Variants in CFAP58 observed in about 807,000 individuals in gnomAD.
The protein encoded by CFAP58 is cilia- and flagella-associated protein 58.
Under a neutral mutation model 119.5 loss-of-function variants are expected in CFAP58, and 88 were observed. The observed-to-expected ratio is 0.74, with a 90% CI of 0.62 to 0.88. The LOEUF is 0.88. Ranked by LOEUF, CFAP58 falls within the 40% of genes least tolerant of loss-of-function variation. The probability of loss-of-function intolerance (pLI) is 0.00; values close to 1 mark genes in which losing one functional copy is unlikely to be tolerated. For synonymous variants in CFAP58, 365 were observed against 366.3 expected (o/e 1.00, Z 0.04); for missense variants, 990 against 1,021.2 (o/e 0.97, Z 0.42).
Position 104,422,864 on chromosome 10 carries a change from T to C in CFAP58, c.2256+16071T>C, listed in dbSNP as rs140301562. The stretch of plus-strand genomic sequence containing the variant: ...TGTGGGAGAGGACTATCTAGGGTCA[T>C]AGTTACAAGTGGCTCTTGTTCAACA... On this transcript the variant is annotated intron_variant, in intron 15 of 17. Transcript: ENST00000369704. 2.9e-4 allele frequency among the ~76,000 whole-genome samples: 44 copies of C among 152,350 alleles called. 1 individual carries two copies. The East Asian group carries it at 8.1e-3, about 28-fold the overall frequency.
chr10:104,383,518 G>GT (rs1322552506), intron 9 of CFAP58, among the ~76,000 whole-genome samples: 1 of 152,068 alleles, frequency 6.6e-6, no homozygotes, highest in Non-Finnish European at 1.5e-5. Context: ...CGGATACCAA[G>GT]TTTTTTTGTT....
At chr10:104,372,258 C>T (rs2014834284) in intron 7 of CFAP58, among the ~76,000 whole-genome samples, 1 of 152,138 alleles carries the variant, frequency 6.6e-6, no homozygotes, top group East Asian at 1.9e-4. Flanking sequence ...GAGGCTGAGG[C>T]AGGAGAATCG....
intron 15 of CFAP58, 23 bp from the exon 16 acceptor site, chr10:104,447,675 C>T (rs1199384585): frequency 1.2e-6 from 2 of 1,611,964 alleles, no homozygotes; most frequent in African/African-American, 1.3e-5. Context: ...TTTATCTCTG[C>T]TCCTGGTTCT....
At chr10:104,348,427 T>C in the CFAP58 span, among the ~76,000 whole-genome samples, 2,225 of 152,332 alleles carry the variant, frequency 0.015, 54 homozygotes, top group African/African-American at 0.051. Flanking sequence ...CCTGAGAAGT[T>C]CTAAGAGGCG....
chr10:104,400,388 C>T (rs974635589), intron 12 of CFAP58, among the ~76,000 whole-genome samples: 10 of 152,182 alleles, frequency 6.6e-5, no homozygotes, highest in African/African-American at 2.4e-4. Context: ...CTCAAGTGAT[C>T]TGCCTGCCTT....
At chr10:104,351,667 A>G (rs1365372679), upstream of CFAP58, 2 of 152,258 alleles carry the variant, frequency 1.3e-5, no homozygotes, top group Non-Finnish European at 2.9e-5. Flanking sequence ...TGGGAAGGAG[A>G]ACTCCAGATG....
chr10:104,393,715 C>G (rs113432791), intron 11 of CFAP58, among the ~76,000 whole-genome samples: 80 of 152,278 alleles, frequency 5.3e-4, no homozygotes, highest in Non-Finnish European at 9.7e-4. Flanking sequence ...AGTGGAGATG[C>G]AAACACACCC....
chr10:104,411,601 G>A (rs958748957), intron 15 of CFAP58, among the ~76,000 whole-genome samples: 2 of 151,820 alleles, frequency 1.3e-5, no homozygotes, highest in Admixed American at 1.3e-4. Context: ...CCATTCATTT[G>A]TTTCTGCCAG....
chr10:104,384,580 T>A (rs1564887117), intron 9 of CFAP58, among the ~76,000 whole-genome samples: 1 of 152,226 alleles, frequency 6.6e-6, no homozygotes, highest in South Asian at 2.1e-4. Flanking sequence ...GAACTTTAGG[T>A]TGAACTCTTT....
Position 104,401,003 on chromosome 10 carries a change from C to T in CFAP58, c.2039+100C>T, listed in dbSNP as rs1015273379. The T allele has an allele frequency of 5.0e-5, 40 of 792,694 alleles. No homozygotes were observed. The South Asian group carries it at 6.5e-4, about 13-fold the overall frequency. 49.1% of individuals were successfully genotyped at this position (792,694 alleles called of 1,614,324 possible). A position where few individuals can be genotyped will look rare whatever the true frequency, so the allele number is the denominator to read the frequency against. On this transcript the variant is annotated intron_variant, in intron 13 of 17. Transcript: ENST00000369704. ...CTTGTTGCTCATTGAAGGTCTTTAT[C>T]GAGTTGTACAAAATGAAGTTTACAG...
chr10:104,388,759 T>C (rs2011975618), intron 9 of CFAP58, among the ~76,000 whole-genome samples: 1 of 152,216 alleles, frequency 6.6e-6, no homozygotes, highest in Non-Finnish European at 1.5e-5. Flanking sequence ...TGCTGCAGTT[T>C]TCCTGTATGC....
At chr10:104,429,238 GGAA>G (rs1211298454) in intron 15 of CFAP58, among the ~76,000 whole-genome samples, 3 of 152,150 alleles carry the variant, frequency 2.0e-5, no homozygotes, top group South Asian at 4.2e-4. Flanking sequence ...CTGCAGTTGA[GGAA>G]GAAGAAGGAG....
chr10:104,404,524 C>T (rs746857014), intron 14 of CFAP58, among the ~76,000 whole-genome samples: 1 of 152,134 alleles, frequency 6.6e-6, no homozygotes, highest in Non-Finnish European at 1.5e-5. Flanking sequence ...AATGAATGAT[C>T]AGGGTATTGG....
At chr10:104,356,318 A>G (rs2014542131) in intron 1 of CFAP58, among the ~76,000 whole-genome samples, 1 of 152,188 alleles carries the variant, frequency 6.6e-6, no homozygotes, top group Non-Finnish European at 1.5e-5. Context: ...CTTTTTCCAT[A>G]TTGGGCAAGA....
chr10:104,356,522 A>G (rs936128911), intron 1 of CFAP58, among the ~76,000 whole-genome samples: 1 of 152,234 alleles, frequency 6.6e-6, no homozygotes, highest in African/African-American at 2.4e-5. Flanking sequence ...TGCAAGCCTT[A>G]TGAGTCCTTT....
intron 3 of CFAP58, among the ~76,000 whole-genome samples, chr10:104,363,749 C>G (rs540248180): frequency 2.0e-5 from 3 of 152,320 alleles, no homozygotes; most frequent in Admixed American, 2.0e-4. Flanking sequence ...CCTTATTAAA[C>G]ATTTGTTACA....
the CFAP58 span, among the ~76,000 whole-genome samples, chr10:104,342,495 A>G: frequency 3.3e-5 from 5 of 152,058 alleles, no homozygotes; most frequent in African/African-American, 9.7e-5. Context: ...AATGTTCTTC[A>G]TGATCATTTA....
intron 11 of CFAP58, among the ~76,000 whole-genome samples, chr10:104,395,055 A>T (rs549833469): frequency 2.6e-5 from 4 of 152,326 alleles, no homozygotes; most frequent in African/African-American, 9.6e-5. Context: ...TATTCAAAAG[A>T]TTAATTATTA....
intron 15 of CFAP58, among the ~76,000 whole-genome samples, chr10:104,425,288 G>C (rs1346800090): frequency 1.3e-5 from 2 of 152,228 alleles, no homozygotes; most frequent in Non-Finnish European, 2.9e-5. Flanking sequence ...GACAGATGAA[G>C]AGTCAATGTT....
Sources: allele counts gnomAD v4.1 joint callset (sites outside exome capture counted in the v4.1 genomes callset), GRCh38; gene constraint gnomAD v4.1.1; transcripts MANE v1.5; gene names NCBI Gene and HGNC (gene_info 2026-07-23, HGNC 2026-07-21).